MED15: variants seen among roughly 807,000 people sequenced by gnomAD.
MED15 encodes mediator complex subunit 15.
MED15 carries 41 observed loss-of-function variants against 118.7 expected under a neutral mutation model. That is an observed-to-expected ratio of 0.35 (90% CI 0.27 to 0.45). MED15 has a LOEUF of 0.45. Ranked by LOEUF, MED15 falls within the 20% of genes least tolerant of loss-of-function variation. The pLI, the probability that MED15 is intolerant of heterozygous loss-of-function variation, is 1.00. For synonymous variants in MED15, 436 were observed against 413.9 expected, an observed-to-expected ratio of 1.05 and a Z score of -0.65; for missense variants, 740 against 1,025.5, an observed-to-expected ratio of 0.72 and a Z score of 3.80.
rs200484327 is a variant in MED15, at chr22:20,555,043, C to G, written c.346C>G (p.Leu116Val). The G allele has an allele frequency of 1.4e-5, 22 of 1,612,844 alleles. No individual in the cohort carries two copies. The highest frequency in any genetic ancestry group is 8.5e-6 in the Non-Finnish European group (10 of 1,179,994). Residue 116 changes from leucine to valine, a missense_variant, in exon 5 of 18, where the codon CTT (leucine) becomes GTT (valine). Transcript: ENST00000263205. ...ACAGTCTCTGGGCGGGATGGGTAGC[C>G]TTGGTGCCATGGGACAGCCAATGTC... The part of the protein sequence containing the change: ...PGQSLGGMGS[L>V]GAMGQPMSLS...
chr22:20,550,234 G>C (rs575996894), intron 2 of MED15, among the ~76,000 whole-genome samples: 1 of 152,150 alleles, frequency 6.6e-6, no homozygotes, highest in African/African-American at 2.4e-5. Flanking sequence ...ACGCACATCA[G>C]CTTTCCTATC....
rs1569229564 is a variant in MED15 at position 20,566,507 on chromosome 22, TGCAGCTCCAACAACAGCAACA to T, written c.737_757del (p.Leu246_Gln252del). ...CAGCAGCTGCAGCGAATAGCACAGC[TGCAGCTCCAACAACAGCAACA>T]GCAGCAGCAGCAGCAGCAGCAGCAG... is the stretch of plus-strand genomic sequence containing the variant. On this transcript the variant is annotated inframe_deletion, in exon 7 of 18. Coordinates refer to ENST00000263205, the MANE Select transcript of MED15 (RefSeq NM_001003891.3). 1 of 1,609,788 alleles carries T rather than the reference TGCAGCTCCAACAACAGCAACA, an allele frequency of 6.2e-7. No homozygotes were observed. The highest frequency in any genetic ancestry group is 1.7e-5 in the Admixed American group (1 of 59,872).
intron 1 of MED15, among the ~76,000 whole-genome samples, chr22:20,513,790 A>G (rs1030251133): frequency 1.1e-4 from 17 of 152,204 alleles, no homozygotes; most frequent in Non-Finnish European, 2.2e-4. Flanking sequence ...CAATACCCCA[A>G]GCCTGGTTAG....
At chr22:20,577,595 A>C (rs2056859851) in intron 9 of MED15, among the ~76,000 whole-genome samples, 1 of 152,024 alleles carries the variant, frequency 6.6e-6, no homozygotes, top group Admixed American at 6.6e-5. Flanking sequence ...TATATGATGA[A>C]GCTGAAAAAG....
In MED15 at chr22:20,582,603, A is replaced by T; in HGVS notation, c.1273-8A>T. On this transcript the variant is annotated splice_polypyrimidine_tract_variant and splice_region_variant and intron_variant, in intron 9 of 17. Transcript: ENST00000263205. ...GGCAGCGCGCCGGCTGAGCCCCTCCACTTCCAGGTCAGCCAGAGCAGCCTC... is the reference window on the plus strand; with the variant it reads ...GGCAGCGCGCCGGCTGAGCCCCTCCTCTTCCAGGTCAGCCAGAGCAGCCTC... The T allele has an allele frequency of 6.5e-7, 1 of 1,544,942 alleles. No individual in the cohort carries two copies. Among genetic ancestry groups the T allele is most frequent in the Non-Finnish European group, 8.7e-7 (1 of 1,151,126 alleles).
chr22:20,585,573 G>A (rs1264965366), intron 16 of MED15, 155 bp from the exon 17 acceptor site: 4 of 754,938 alleles, frequency 5.3e-6, no homozygotes, highest in Admixed American at 4.6e-5. Context: ...CAGGCTTCAC[G>A]TTTGGAAATC....
rs993317122 is a variant in MED15, at chr22:20,586,987, C to T, written c.*283C>T. On this transcript the variant is annotated 3_prime_UTR_variant, in exon 18 of 18. Transcript: ENST00000263205. ...GATGCGATCCTCAGGCTGCTCTCAC[C>T]GTGGCCTGTCCACGGTCCAGGTCCA... 12 of 517,298 alleles carry T rather than the reference C, an allele frequency of 2.3e-5. No individual in the cohort carries two copies. Among genetic ancestry groups the T allele is most frequent in the East Asian group, 1.6e-4 (5 of 30,726 alleles). 32.0% of individuals were successfully genotyped at this position (517,298 alleles called of 1,614,324 possible).
intron 1 of MED15, among the ~76,000 whole-genome samples, chr22:20,529,643 A>G (rs1027223105): frequency 2.0e-5 from 3 of 152,180 alleles, no homozygotes; most frequent in Non-Finnish European, 4.4e-5. Flanking sequence ...CTTGTTGCTC[A>G]GGCTGGAGTG....
rs878942344 is a variant in MED15 at position 20,552,950 on chromosome 22, C to G, written c.209-195C>G. On this transcript the variant is annotated intron_variant, in intron 3 of 17. Coordinates refer to ENST00000263205, the MANE Select transcript of MED15 (RefSeq NM_001003891.3). The stretch of plus-strand genomic sequence containing the variant: ...CCAGGTTGACCCTGGAGCTACTCTG[C>G]ACCCTCTGCCCCCAGGTCTCTTGTG... 7.0e-6 allele frequency: 4 copies of G among 573,394 alleles called. No homozygotes were observed. In the South Asian group the frequency reaches 9.0e-5, roughly 13 times the overall value. The allele number at this position is 573,394 out of a possible 1,614,324, so 35.5% of individuals were successfully genotyped here. A position where few individuals can be genotyped will look rare whatever the true frequency, so the allele number is the denominator to read the frequency against.
At chr22:20,539,401 G>A (rs2055204245) in intron 2 of MED15, among the ~76,000 whole-genome samples, 1 of 152,200 alleles carries the variant, frequency 6.6e-6, no homozygotes. Context: ...GTGAGCCACC[G>A]TGCCTGGCCA....
rs369281575 is a variant in MED15 at position 20,584,813 on chromosome 22, C to G, written c.1804-42C>G. 8 of 1,605,524 alleles carry G rather than the reference C, an allele frequency of 5.0e-6. No homozygotes were observed. In the African/African-American group the frequency reaches 5.3e-5, roughly 11 times the overall value. On this transcript the variant is annotated intron_variant, in intron 14 of 17. Transcript: ENST00000263205. ...TGTGAAGGCCCCCTAAATGGGGAAC[C>G]CTCGGGTCCCGGGCTGCTGACCGTG...
At chr22:20,583,294 G>A in intron 12 of MED15, 36 bp from the exon 13 acceptor site, 1 of 1,613,588 alleles carries the variant, frequency 6.2e-7, no homozygotes, top group Non-Finnish European at 8.5e-7. Flanking sequence ...GACACCACCA[G>A]GCTTGTGTCT....
chr22:20,555,625 C>G (rs1363253069), intron 5 of MED15, among the ~76,000 whole-genome samples: 1 of 152,250 alleles, frequency 6.6e-6, no homozygotes. Flanking sequence ...TCTGTGTCCT[C>G]TCCACACGGC....
chr22:20,517,852 A>ATT lies in MED15; in HGVS notation c.68+10113_68+10114dup, dbSNP rs59692711. Among the ~76,000 whole-genome samples, 1,215 of 151,720 alleles carry ATT rather than the reference A, an allele frequency of 8.0e-3. 15 individuals carry two copies. Among genetic ancestry groups the ATT allele is most frequent in the African/African-American group, 0.027 (1,130 of 41,274 alleles). On this transcript the variant is annotated intron_variant, in intron 1 of 17. Transcript: ENST00000263205. ...AGCTGGGGGCACTTAAATTAGATCC[A>ATT]TTTTTTTTCTGGAAGGCCTTTTGGC... is the stretch of plus-strand genomic sequence containing the variant.
At chr22:20,563,804 G>A (rs148958949) in intron 5 of MED15, among the ~76,000 whole-genome samples, 114 of 152,312 alleles carry the variant, frequency 7.5e-4, no homozygotes, top group African/African-American at 2.6e-3. Context: ...CATCTGAAGT[G>A]CTCCACTCGG....
At chr22:20,515,991 ACT>A (rs1414312648) in intron 1 of MED15, among the ~76,000 whole-genome samples, 2 of 120,720 alleles carry the variant, frequency 1.7e-5, no homozygotes, top group African/African-American at 6.9e-5. Context: ...ACAGAGCAAG[ACT>A]CTGTCTCAAA....
At chr22:20,508,054 A>G (rs1207854300) in intron 1 of MED15, 1 of 1,363,172 alleles carries the variant, frequency 7.3e-7, no homozygotes, top group Non-Finnish European at 9.5e-7. Context: ...TTTGAACCAC[A>G]CTGAATAGGG....
intron 2 of MED15, among the ~76,000 whole-genome samples, chr22:20,542,576 C>T (rs990270231): frequency 6.6e-6 from 1 of 152,210 alleles, no homozygotes; most frequent in Non-Finnish European, 1.5e-5. Flanking sequence ...GTTGGAGGCT[C>T]CTATCTCTGG....
At chr22:20,543,548 C>T (rs529228824) in intron 2 of MED15, among the ~76,000 whole-genome samples, 7 of 147,426 alleles carry the variant, frequency 4.7e-5, no homozygotes, top group Non-Finnish European at 1.1e-4. Flanking sequence ...AAGAAGAAAC[C>T]AAGCTGAGTC....
Sources: gnomAD v4.1 joint callset for allele counts (sites outside exome capture counted in the v4.1 genomes callset) on GRCh38, gnomAD v4.1.1 for gene constraint, MANE v1.5 for transcripts, NCBI Gene and HGNC (gene_info 2026-07-23, HGNC 2026-07-21) for gene names.